RBM25: variants seen among roughly 807,000 people sequenced by gnomAD.
RBM25 encodes RNA-binding protein 25.
A neutral mutation model predicts 120.7 loss-of-function variants in RBM25; 19 were observed. The observed-to-expected ratio is 0.16, with a 90% CI of 0.11 to 0.23. The LOEUF (loss-of-function observed/expected upper bound fraction) is 0.23, where lower values mean the gene tolerates loss of function less well. Among genes scored for constraint, RBM25 ranks in the 10% least tolerant of loss-of-function variants. The probability of loss-of-function intolerance (pLI) is 1.00; values close to 1 mark genes in which losing one functional copy is unlikely to be tolerated. For missense variants in RBM25, 605 were observed against 1,041.5 expected, an observed-to-expected ratio of 0.58 and a Z score of 5.77; for synonymous variants, 390 against 326.7, an observed-to-expected ratio of 1.19 and a Z score of -2.09.
At chr14:73,099,938 G>A (rs1049095829) in intron 9 of RBM25, 188 bp downstream of exon 9, 35 of 930,628 alleles carry the variant, frequency 3.8e-5, no homozygotes, top group Non-Finnish European at 4.8e-5. Flanking sequence ...GACATGTTGT[G>A]CTTAGTTTTT....
At chr14:73,064,068 T>C (rs1895068962) in intron 1 of RBM25, among the ~76,000 whole-genome samples, 1 of 151,416 alleles carries the variant, frequency 6.6e-6, no homozygotes, top group Non-Finnish European at 1.5e-5. Flanking sequence ...TCTGCCTCTT[T>C]TAAATCTTTG....
At chr14:73,102,539 C>G (rs138698636) in intron 9 of RBM25, 1 of 152,292 alleles carries the variant, frequency 6.6e-6, no homozygotes, top group African/African-American at 2.4e-5. Context: ...TTAAATTAAA[C>G]TATTACAGTT....
At position 73,119,853 on chromosome 14, in the gene RBM25, T is replaced by A. The variant is rs1226251405; in HGVS notation, c.*48T>A. The A allele has an allele frequency of 1.9e-6, 3 of 1,556,572 alleles. No individual in the cohort carries two copies. Among genetic ancestry groups the A allele is most frequent in the Admixed American group, 4.4e-5 (2 of 45,490 alleles). On this transcript the variant is annotated 3_prime_UTR_variant, in exon 19 of 19. Coordinates refer to ENST00000261973, the MANE Select transcript of RBM25 (RefSeq NM_021239.3). ...ATTTCAGATTTCTTCTTTGCCACCC[T>A]TTTAAGGACTTTGAATTTTTCTTTG...
At chr14:73,080,036 T>C (rs17124039) in intron 4 of RBM25, among the ~76,000 whole-genome samples, 26,475 of 149,680 alleles carry the variant, frequency 0.18, 4,109 homozygotes, top group East Asian at 0.43. Context: ...TGCTATGTTA[T>C]TACTGCTAAT....
At chr14:73,106,126 A>G in intron 11 of RBM25, 45 bp downstream of exon 11, 1 of 1,589,502 alleles carries the variant, frequency 6.3e-7, no homozygotes, top group Non-Finnish European at 8.5e-7. Flanking sequence ...GGTATCCCTT[A>G]ATAGGTTAAT....
chr14:73,107,093 G>A (rs969309177), intron 12 of RBM25, among the ~76,000 whole-genome samples: 3 of 151,580 alleles, frequency 2.0e-5, no homozygotes, highest in Non-Finnish European at 4.4e-5. Context: ...TGCCTGCCTT[G>A]GCCTCCCAAA....
chr14:73,095,278 CGTCT>C (rs1245334634), intron 6 of RBM25, among the ~76,000 whole-genome samples: 1 of 152,118 alleles, frequency 6.6e-6, no homozygotes. Context: ...GATTTTATTC[CGTCT>C]AAGTGCAGCA....
At position 73,088,076 on chromosome 14, in the gene RBM25, G is replaced by A; in HGVS notation, c.458G>A (p.Gly153Glu). The change falls in exon 6 of 19, where the codon GGA (glycine) becomes GAA (glutamate). Residue 153 changes from glycine (G) to glutamate (E), a missense_variant. By Grantham distance (98) the Gly-to-Glu change is moderately conservative. Coordinates refer to ENST00000261973, the MANE Select transcript of RBM25 (RefSeq NM_021239.3). The stretch of plus-strand genomic sequence containing the variant: ...AGATTATTACATGACCTGCAAATTG[G>A]AGAGAAAAAGCTACTCGTTAAAGTT... Reference protein sequence around the residue: ...ALRLLHDLQIGEKKLLVKVDA... With the variant: ...ALRLLHDLQIEEKKLLVKVDA... The A allele has an allele frequency of 6.2e-7, 1 of 1,614,100 alleles. No homozygotes were observed. The highest frequency in any genetic ancestry group is 8.5e-7 in the Non-Finnish European group (1 of 1,180,022).
intron 17 of RBM25, 142 bp downstream of exon 17, chr14:73,112,392 A>T (rs1382719883): frequency 6.4e-6 from 5 of 777,004 alleles, no homozygotes; most frequent in East Asian, 3.5e-5. Flanking sequence ...GCTTTTTTAA[A>T]GTTATTTTTA....
At chr14:73,071,815 A>C in intron 2 of RBM25, 68 bp downstream of exon 2, 1 of 1,266,412 alleles carries the variant, frequency 7.9e-7, no homozygotes, top group African/African-American at 1.5e-5. Flanking sequence ...TAACTTCAGG[A>C]AAATGTTAGA....
chr14:73,106,437 A>AT, intron 12 of RBM25, 152 bp downstream of exon 12: 1 of 657,392 alleles, frequency 1.5e-6, no homozygotes, highest in South Asian at 5.1e-5. Flanking sequence ...TTTTGAGCCA[A>AT]TTTAAGTACA....
chr14:73,103,624 G>C lies in RBM25; in HGVS notation c.1154+146G>C, dbSNP rs573942863. 1,229 of 1,254,648 alleles carry C rather than the reference G, an allele frequency of 9.8e-4. 2 individuals carry two copies. Among genetic ancestry groups the C allele is most frequent in the Middle Eastern group, 2.1e-3 (7 of 3,412 alleles). 77.7% of individuals were successfully genotyped at this position (1,254,648 alleles called of 1,614,324 possible). A position where few individuals can be genotyped will look rare whatever the true frequency, so the allele number is the denominator to read the frequency against. On this transcript the variant is annotated intron_variant, in intron 10 of 18. Coordinates refer to ENST00000261973, the MANE Select transcript of RBM25 (RefSeq NM_021239.3). ...TCTGTCACTCAGCCTGGACTGCAGTGGCTGAGCAATCTCCGCCTCCTGGGT... is the reference window on the plus strand; with the variant it reads ...TCTGTCACTCAGCCTGGACTGCAGTCGCTGAGCAATCTCCGCCTCCTGGGT...
chr14:73,080,763 A>G (rs181528182), intron 4 of RBM25, among the ~76,000 whole-genome samples: 1 of 151,920 alleles, frequency 6.6e-6, no homozygotes. Flanking sequence ...AAATAGTTTT[A>G]GCAGAACTAG....
At chr14:73,092,495 C>CA (rs958231506) in intron 6 of RBM25, among the ~76,000 whole-genome samples, 3 of 151,338 alleles carry the variant, frequency 2.0e-5, no homozygotes, top group Non-Finnish European at 2.9e-5. Flanking sequence ...CCTTATTTCT[C>CA]ATTGACTAAA....
chr14:73,092,177 G>A (rs958355377), intron 6 of RBM25, among the ~76,000 whole-genome samples: 1 of 148,300 alleles, frequency 6.7e-6, no homozygotes, highest in African/African-American at 2.5e-5. Flanking sequence ...GTAGATTAGA[G>A]ATTTGCCATG....
chr14:73,103,525 T>A (rs367883947), intron 10 of RBM25, 47 bp downstream of exon 10: 12 of 1,526,214 alleles, frequency 7.9e-6, no homozygotes, highest in Middle Eastern at 3.6e-4. Context: ...TTAAGAAAAC[T>A]ATCGGGTAGT....
At chr14:73,118,871 C>G (rs1211919941) in intron 18 of RBM25, among the ~76,000 whole-genome samples, 1 of 151,996 alleles carries the variant, frequency 6.6e-6, no homozygotes, top group African/African-American at 2.4e-5. Flanking sequence ...CAGGTTCAAG[C>G]GATTCTCCTA....
intron 18 of RBM25, among the ~76,000 whole-genome samples, chr14:73,115,088 A>G (rs1406478879): frequency 6.6e-6 from 1 of 152,140 alleles, no homozygotes; most frequent in Non-Finnish European, 1.5e-5. Flanking sequence ...TAGAGGAGAT[A>G]GAACATCTGA....
chr14:73,078,811 C>G (rs1251018501), intron 4 of RBM25, among the ~76,000 whole-genome samples: 1 of 152,064 alleles, frequency 6.6e-6, no homozygotes, highest in East Asian at 1.9e-4. Flanking sequence ...ATCATGTTAT[C>G]CAGACTTGTC....
Sources: gnomAD v4.1 joint callset for allele counts (sites outside exome capture counted in the v4.1 genomes callset) on GRCh38, gnomAD v4.1.1 for gene constraint, MANE v1.5 for transcripts, NCBI Gene and HGNC (gene_info 2026-07-23, HGNC 2026-07-21) for gene names.